The following PYHIN1 variants were observed in gnomAD, a reference collection of about 807,000 sequenced individuals.
The protein encoded by PYHIN1 is pyrin and HIN domain-containing protein 1.
PYHIN1 carries 32 observed loss-of-function variants against 43.7 expected under a neutral mutation model. The ratio of observed to expected loss-of-function variants is 0.73; its 90% CI spans 0.55 to 0.98. The LOEUF is 0.98. Among genes scored for constraint, PYHIN1 ranks in the 50% least tolerant of loss-of-function variants. The probability of loss-of-function intolerance (pLI) is 0.00; values close to 1 mark genes in which losing one functional copy is unlikely to be tolerated. For synonymous variants in PYHIN1, 205 were observed against 203.1 expected (o/e 1.01, Z -0.08); for missense variants, 588 against 589.5 (o/e 1.00, Z 0.03).
chr1:158,983,489 T>G, the PYHIN1 span, among the ~76,000 whole-genome samples: 21 of 152,152 alleles, frequency 1.4e-4, no homozygotes, highest in Admixed American at 6.5e-4. Context: ...GGGGTAAAGC[T>G]TACTTGATCA....
At chr1:158,961,290 A>T (rs1323756604) in intron 7 of PYHIN1, among the ~76,000 whole-genome samples, 1 of 152,158 alleles carries the variant, frequency 6.6e-6, no homozygotes, top group Non-Finnish European at 1.5e-5. Context: ...TATGTACTTT[A>T]TGTATCTTTT....
At chr1:158,952,114 T>TG (rs1649573156) in intron 7 of PYHIN1, among the ~76,000 whole-genome samples, 1 of 148,928 alleles carries the variant, frequency 6.7e-6, no homozygotes, top group South Asian at 2.1e-4. Flanking sequence ...GTCGGTTTTT[T>TG]TTTTTTTTTT....
chr1:158,934,067 T>C (rs1351948483), intron 1 of PYHIN1, among the ~76,000 whole-genome samples: 4 of 152,162 alleles, frequency 2.6e-5, no homozygotes, highest in Admixed American at 2.0e-4. Flanking sequence ...TATTTTTTCC[T>C]TCAAGACAAG....
chr1:158,989,611 G>A, the PYHIN1 span, among the ~76,000 whole-genome samples: 4 of 152,140 alleles, frequency 2.6e-5, no homozygotes, highest in East Asian at 7.7e-4. Context: ...GCATTCATAA[G>A]CTAAAGAACA....
Position 158,939,204 on chromosome 1 carries a change from C to T in PYHIN1, c.536C>T (p.Pro179Leu). 1 of 1,611,174 alleles carries T rather than the reference C, an allele frequency of 6.2e-7. No homozygotes were observed. Among genetic ancestry groups the T allele is most frequent in the Non-Finnish European group, 8.5e-7 (1 of 1,179,260 alleles). The change falls in exon 4 of 9, where the codon CCC becomes CTC. Residue 179 changes from proline to leucine, a missense_variant. Physicochemically the swap from Pro to Leu is moderately conservative, Grantham distance 98 (BLOSUM62 -3). Transcript: ENST00000368140. Reference protein sequence around the residue: ...TSTAMGRSPPPQTSSSAPPNT... With the variant: ...TSTAMGRSPPLQTSSSAPPNT... The stretch of plus-strand genomic sequence containing the variant: ...ACAGCCATGGGCCGTTCCCCACCTC[C>T]CCAGACCTCATCATCAGCTCCACCC...
At chr1:158,981,332 G>T (rs1461535395), downstream of PYHIN1, among the ~76,000 whole-genome samples, 3 of 152,110 alleles carry the variant, frequency 2.0e-5, no homozygotes, top group African/African-American at 7.2e-5. Context: ...TTAGCCTTTT[G>T]TGGTGGCAGG....
chr1:158,960,102 G>A (rs903956269), intron 7 of PYHIN1, among the ~76,000 whole-genome samples: 3 of 152,080 alleles, frequency 2.0e-5, no homozygotes, highest in Non-Finnish European at 4.4e-5. Context: ...CTATATACAA[G>A]CTCTCTATTT....
chr1:158,969,902 C>A (rs970042442), intron 7 of PYHIN1, among the ~76,000 whole-genome samples: 16 of 151,928 alleles, frequency 1.1e-4, no homozygotes, highest in African/African-American at 3.9e-4. Flanking sequence ...TCCATGGCCA[C>A]CTACACCTAA....
chr1:158,984,028 GTTT>G, the PYHIN1 span, among the ~76,000 whole-genome samples: 269 of 111,174 alleles, frequency 2.4e-3, 1 homozygote, highest in African/African-American at 7.8e-3. Flanking sequence ...ATCTTCTCCT[GTTT>G]TTTTTTTTTT....
At chr1:158,989,895 A>C in the PYHIN1 span, among the ~76,000 whole-genome samples, 1 of 151,764 alleles carries the variant, frequency 6.6e-6, no homozygotes, top group Non-Finnish European at 1.5e-5. Flanking sequence ...AAAAAAAACT[A>C]CCTTCCAAGT....
At chr1:158,941,955 A>T in intron 4 of PYHIN1, 22 bp from the exon 5 acceptor site, 1 of 1,541,718 alleles carries the variant, frequency 6.5e-7, no homozygotes, top group Non-Finnish European at 8.7e-7. Flanking sequence ...TCTTTTTTGT[A>T]TTCCTTTTGT....
intron 7 of PYHIN1, among the ~76,000 whole-genome samples, chr1:158,947,711 C>A (rs576847997): frequency 1.3e-5 from 2 of 152,158 alleles, no homozygotes; most frequent in East Asian, 3.9e-4. Flanking sequence ...CACTAGCCAG[C>A]CCTGCGGGCA....
At chr1:158,950,850 G>A (rs536819684) in intron 7 of PYHIN1, among the ~76,000 whole-genome samples, 1 of 152,274 alleles carries the variant, frequency 6.6e-6, no homozygotes, top group East Asian at 1.9e-4. Context: ...TGACAAAATT[G>A]TTGAAATTGT....
At chr1:158,951,446 G>C (rs958437484) in intron 7 of PYHIN1, among the ~76,000 whole-genome samples, 6 of 152,174 alleles carry the variant, frequency 3.9e-5, no homozygotes, top group African/African-American at 1.4e-4. Flanking sequence ...AGAGTAAGCA[G>C]AATCGCTAAC....
Position 158,933,979 on chromosome 1 carries a change from T to C in PYHIN1, c.-21+2203T>C, listed in dbSNP as rs1648337052. 6.6e-6 allele frequency among the ~76,000 whole-genome samples: 1 copy of C among 152,176 alleles called. No homozygotes were observed. The highest frequency in any genetic ancestry group is 1.5e-5 in the Non-Finnish European group (1 of 68,012). ...TTTGTCTGGAAAAACTACTGAGGCC[T>C]TCAGGTTCAGAGAATAGTTTTTGAG... On this transcript the variant is annotated intron_variant, in intron 1 of 8. Transcript: ENST00000368140. This position sits in a 1 kb window ranked among gnomAD's most constrained non-coding sequence, Gnocchi z 6.3.
In PYHIN1 at chr1:158,950,097, T is replaced by C. The variant is rs369390172; in HGVS notation, c.1359+5055T>C. 7.2e-5 allele frequency among the ~76,000 whole-genome samples: 11 copies of C among 152,216 alleles called. No individual in the cohort carries two copies. In the East Asian group the frequency reaches 2.1e-3, roughly 29 times the overall value. Reference sequence around the variant, plus strand: ...TAACCCTCCTAGCCAAGCAATCACGTTATTAAAGGCTGGAAAGGGAGTGTC... The same window carrying C: ...TAACCCTCCTAGCCAAGCAATCACGCTATTAAAGGCTGGAAAGGGAGTGTC... On this transcript the variant is annotated intron_variant, in intron 7 of 8. Coordinates refer to ENST00000368140, the MANE Select transcript of PYHIN1 (RefSeq NM_152501.5).
At chr1:158,977,950 C>T (rs1289792368), downstream of PYHIN1, among the ~76,000 whole-genome samples, 1 of 152,090 alleles carries the variant, frequency 6.6e-6, no homozygotes, top group Non-Finnish European at 1.5e-5. Flanking sequence ...GCCTCACTCT[C>T]ACCCTTAAAA....
chr1:158,963,270 C>T lies in PYHIN1; in HGVS notation c.1360-10377C>T, dbSNP rs184373120. 2.2e-3 allele frequency among the ~76,000 whole-genome samples: 339 copies of T among 152,248 alleles called. 1 individual carries two copies. The highest frequency in any genetic ancestry group is 7.5e-3 in the African/African-American group (313 of 41,528). On this transcript the variant is annotated intron_variant, in intron 7 of 8. Coordinates refer to ENST00000368140, the MANE Select transcript of PYHIN1 (RefSeq NM_152501.5). ...CTCAGTCTATCTCTCTTGTGACCCA[C>T]CCGTAGCCCTGCTCTTCACCAAACC...
chr1:158,965,007 G>T (rs1452137440), intron 7 of PYHIN1, among the ~76,000 whole-genome samples: 2 of 151,726 alleles, frequency 1.3e-5, no homozygotes, highest in Admixed American at 1.3e-4. Flanking sequence ...CACATGCAAT[G>T]ACACCCATTG....
Sources: allele counts gnomAD v4.1 joint callset (sites outside exome capture counted in the v4.1 genomes callset), GRCh38; gene constraint gnomAD v4.1.1; non-coding constraint Gnocchi (gnomAD v3.1); transcripts MANE v1.5; gene names NCBI Gene and HGNC (gene_info 2026-07-23, HGNC 2026-07-21).